The following KCNIP1 variants were observed in gnomAD, a reference collection of about 807,000 sequenced individuals.
The protein encoded by KCNIP1 is A-type potassium channel modulatory protein KCNIP1.
In KCNIP1, 18 loss-of-function variants were observed where a neutral mutation model predicts 33.0. The observed-to-expected ratio is 0.55, with a 90% CI of 0.38 to 0.81. KCNIP1 has a LOEUF of 0.81. Ranked by LOEUF, KCNIP1 falls within the 30% of genes least tolerant of loss-of-function variation. The probability of loss-of-function intolerance (pLI) is 0.00; values close to 1 mark genes in which losing one functional copy is unlikely to be tolerated. For missense variants in KCNIP1, 238 were observed against 271.6 expected (o/e 0.88, Z 0.87); for synonymous variants, 93 against 98.3 (o/e 0.95, Z 0.32).
chr5:170,515,072 T>C (rs1383910065), intron 1 of KCNIP1, among the ~76,000 whole-genome samples: 1 of 152,180 alleles, frequency 6.6e-6, no homozygotes, highest in Non-Finnish European at 1.5e-5. Context: ...AGAAGTGACT[T>C]GCCCAAGTGC....
At chr5:170,635,797 G>A (rs1342538279) in intron 1 of KCNIP1, among the ~76,000 whole-genome samples, 1 of 152,244 alleles carries the variant, frequency 6.6e-6, no homozygotes, top group East Asian at 1.9e-4. Context: ...TTCTGCCTTG[G>A]ATGTATAAAA....
chr5:170,542,373 T>A (rs932788485), intron 1 of KCNIP1, among the ~76,000 whole-genome samples: 4 of 152,166 alleles, frequency 2.6e-5, no homozygotes. Context: ...AGACCTCAGC[T>A]TTTAAATCTA....
chr5:170,709,889 A>G (rs910189070), intron 1 of KCNIP1, among the ~76,000 whole-genome samples: 1 of 151,002 alleles, frequency 6.6e-6, no homozygotes, highest in Non-Finnish European at 1.5e-5. Flanking sequence ...TTTTTTTGAG[A>G]TGGAATCTCA....
At chr5:170,558,592 C>T (rs1247325453) in intron 1 of KCNIP1, among the ~76,000 whole-genome samples, 1 of 152,184 alleles carries the variant, frequency 6.6e-6, no homozygotes, top group African/African-American at 2.4e-5. Context: ...CTGGAAGCTG[C>T]ATCCCAGCAG....
At chr5:170,607,628 T>C (rs926030052) in intron 1 of KCNIP1, among the ~76,000 whole-genome samples, 7 of 152,194 alleles carry the variant, frequency 4.6e-5, no homozygotes, top group South Asian at 2.1e-4. Flanking sequence ...GAAAATGCAG[T>C]GTCTTCTCAC....
At chr5:170,707,268 T>G (rs1433955946) in intron 1 of KCNIP1, among the ~76,000 whole-genome samples, 1 of 152,012 alleles carries the variant, frequency 6.6e-6, no homozygotes, top group East Asian at 1.9e-4. Flanking sequence ...GCAATGAAAC[T>G]GACATTTCTG....
chr5:170,501,429 C>T (rs1019494007), upstream of KCNIP1, among the ~76,000 whole-genome samples: 1 of 151,920 alleles, frequency 6.6e-6, no homozygotes, highest in Non-Finnish European at 1.5e-5. Flanking sequence ...AAGCCACAGG[C>T]CACAAAAAAG....
At chr5:170,382,434 C>T (rs1285552298) in intron 1 of KCNIP1, among the ~76,000 whole-genome samples, 1 of 152,136 alleles carries the variant, frequency 6.6e-6, no homozygotes, top group African/African-American at 2.4e-5. Context: ...TGATCAAAGG[C>T]CTCTGGGAAC....
intron 1 of KCNIP1, among the ~76,000 whole-genome samples, chr5:170,531,585 A>G (rs1011826465): frequency 6.6e-6 from 1 of 152,226 alleles, no homozygotes; most frequent in Admixed American, 6.5e-5. Flanking sequence ...TGGAGCTTCA[A>G]ATCTCATAAT....
chr5:170,603,263 T>C (rs1348625922), intron 1 of KCNIP1, among the ~76,000 whole-genome samples: 1 of 152,156 alleles, frequency 6.6e-6, no homozygotes, highest in African/African-American at 2.4e-5. Context: ...TCGCTGGAGG[T>C]TCTGCTGAGC....
At chr5:170,687,490 C>A (rs1212809056) in intron 1 of KCNIP1, among the ~76,000 whole-genome samples, 8 of 152,118 alleles carry the variant, frequency 5.3e-5, no homozygotes, top group African/African-American at 1.9e-4. Context: ...CCTGGCCAAA[C>A]CTAAGTAAAT....
intron 1 of KCNIP1, among the ~76,000 whole-genome samples, chr5:170,665,069 G>A (rs577380824): frequency 6.6e-6 from 1 of 152,224 alleles, no homozygotes; most frequent in East Asian, 1.9e-4. Context: ...CACAGCGCGG[G>A]GAATGGAAGC....
intron 1 of KCNIP1, among the ~76,000 whole-genome samples, chr5:170,469,163 G>A (rs952104567): frequency 1.3e-5 from 2 of 152,124 alleles, no homozygotes; most frequent in African/African-American, 2.4e-5. Flanking sequence ...TGGGAGCTGA[G>A]ACAAGAGGAT....
intron 1 of KCNIP1, among the ~76,000 whole-genome samples, chr5:170,657,283 A>G (rs1761309605): frequency 6.6e-6 from 1 of 152,098 alleles, no homozygotes; most frequent in Non-Finnish European, 1.5e-5. Flanking sequence ...GGTGTGAGTC[A>G]CCATGCCCAG....
At position 170,534,371 on chromosome 5, in the gene KCNIP1, G is replaced by T. The variant is rs116615131; in HGVS notation, c.61+29738G>T. 3.4e-3 allele frequency among the ~76,000 whole-genome samples: 519 copies of T among 152,156 alleles called. 5 individuals are homozygous for T. The highest frequency in any genetic ancestry group is 0.011 in the African/African-American group (455 of 41,508). Reference sequence around the variant, plus strand: ...TGAGGTGAAAGGATCACCTGAGCAGGGTAGGTGGAGGCTGTGGTAAGCAGT... The same window carrying T: ...TGAGGTGAAAGGATCACCTGAGCAGTGTAGGTGGAGGCTGTGGTAAGCAGT... On this transcript the variant is annotated intron_variant, in intron 1 of 7. Transcript: ENST00000328939.
intron 1 of KCNIP1, among the ~76,000 whole-genome samples, chr5:170,590,787 G>A (rs73801080): frequency 0.056 from 8,483 of 152,274 alleles, 276 homozygotes; most frequent in African/African-American, 0.095. Context: ...TTTACTTCTC[G>A]TTGCCATGGC....
At chr5:170,550,043 C>T (rs940394881) in intron 1 of KCNIP1, among the ~76,000 whole-genome samples, 2 of 152,150 alleles carry the variant, frequency 1.3e-5, no homozygotes, top group African/African-American at 4.8e-5. Flanking sequence ...GAGCATTGGA[C>T]TGTCGTGGAG....
intron 1 of KCNIP1, among the ~76,000 whole-genome samples, chr5:170,530,459 A>G (rs1755747489): frequency 6.6e-6 from 1 of 152,184 alleles, no homozygotes; most frequent in Non-Finnish European, 1.5e-5. Context: ...AGTCTTGCAT[A>G]TAATGTATCC....
At position 170,718,799 on chromosome 5, in the gene KCNIP1, C is replaced by T. The variant is rs1763717118; in HGVS notation, c.103C>T (p.Arg35Trp). The change falls in exon 2 of 8, where the codon CGG becomes TGG. Residue 35 changes from arginine (R) to tryptophan (W), a missense_variant. By Grantham distance (101) the Arg-to-Trp change is moderately radical. Transcript: ENST00000328939. ...GCTGGAGATGACCATGGTTTGCCAT[C>T]GGCCCGAGGGACTGGAGCAGCTCGA... is the stretch of plus-strand genomic sequence containing the variant. ...DELEMTMVCHRPEGLEQLEAQ... is the reference protein window; with the variant it reads ...DELEMTMVCHWPEGLEQLEAQ... 4.3e-6 allele frequency: 7 copies of T among 1,612,552 alleles called. No homozygotes were observed. Among genetic ancestry groups the T allele is most frequent in the Non-Finnish European group, 5.9e-6 (7 of 1,179,462 alleles).
Sources: allele counts gnomAD v4.1 joint callset (sites outside exome capture counted in the v4.1 genomes callset), GRCh38; gene constraint gnomAD v4.1.1; transcripts MANE v1.5; gene names NCBI Gene and HGNC (gene_info 2026-07-23, HGNC 2026-07-21).